VAV2: variants seen among roughly 807,000 people sequenced by gnomAD.
VAV2 encodes the protein vav guanine nucleotide exchange factor 2.
Under a neutral mutation model 132.5 loss-of-function variants are expected in VAV2, and 67 were observed. The ratio of observed to expected loss-of-function variants is 0.51; its 90% confidence interval spans 0.42 to 0.62. VAV2 has a LOEUF of 0.62. Among genes scored for constraint, VAV2 ranks in the 20% least tolerant of loss-of-function variants. The pLI is 0.00. For missense variants in VAV2, 938 were observed against 1,153.6 expected, an observed-to-expected ratio of 0.81 and a Z score of 2.71; for synonymous variants, 492 against 443.5, an observed-to-expected ratio of 1.11 and a Z score of -1.37.
At chr9:133,890,505 G>A (rs113515630) in intron 2 of VAV2, among the ~76,000 whole-genome samples, 2,192 of 152,232 alleles carry the variant, frequency 0.014, 12 homozygotes, top group Non-Finnish European at 0.022. Context: ...TCCCTAGCTG[G>A]AGCAAAGACG....
In VAV2 at chr9:133,794,356, C is replaced by A. The variant is rs1463566228; in HGVS notation, c.1101+1312G>T. Among the ~76,000 whole-genome samples, 1 of 152,026 alleles carries A rather than the reference C, an allele frequency of 6.6e-6. No homozygotes were observed. Among genetic ancestry groups the A allele is most frequent in the African/African-American group, 2.4e-5 (1 of 41,408 alleles). ...GTGCTCGCTGCCCAGTGCAGCCGAG[C>A]GGGAATCTGAAGGTCTCTGGGACCA... On this transcript the variant is annotated intron_variant, in intron 12 of 29. Transcript: ENST00000371850. The surrounding 1 kb of genome is among the most constrained non-coding windows in gnomAD (Gnocchi z 4.6).
At chr9:133,963,161 C>T (rs1195615444) in intron 1 of VAV2, among the ~76,000 whole-genome samples, 6 of 152,090 alleles carry the variant, frequency 3.9e-5, no homozygotes, top group African/African-American at 4.8e-5. Context: ...AACTCGGGGT[C>T]GAAGCTACAA....
At chr9:133,862,121 C>T (rs1053946035) in intron 2 of VAV2, among the ~76,000 whole-genome samples, 1 of 152,228 alleles carries the variant, frequency 6.6e-6, no homozygotes, top group Non-Finnish European at 1.5e-5. Flanking sequence ...AAGCAGTAGC[C>T]GCTCCTCCTC....
In VAV2 at chr9:133,798,918, T is replaced by A. The variant is rs12553798; in HGVS notation, c.837-1109A>T. On this transcript the variant is annotated intron_variant, in intron 9 of 29. Transcript: ENST00000371850. ...TCTCTGGCAGGGCTGTGTGTTGGTG[T>A]CTGGAGGCTCCCCTGGCCCGGGAAG... is the stretch of plus-strand genomic sequence containing the variant. 7.7e-3 allele frequency among the ~76,000 whole-genome samples: 1,179 copies of A among 152,282 alleles called. 25 individuals are homozygous for A. The highest frequency in any genetic ancestry group is 0.043 in the Admixed American group (664 of 15,310).
At position 133,970,081 on chromosome 9, in the gene VAV2, C is replaced by T. The variant is rs532413171; in HGVS notation, c.204+21994G>A. ...CCTGCCATCCTGGTCCTCCACCCTC[C>T]CTGCCCACTCAACAGCTCCCACAAT... On this transcript the variant is annotated intron_variant, in intron 1 of 29. Transcript: ENST00000371850. Among the ~76,000 whole-genome samples, 389 of 152,246 alleles carry T rather than the reference C, an allele frequency of 2.6e-3. 1 individual carries two copies. Among genetic ancestry groups the T allele is most frequent in the African/African-American group, 9.0e-3 (372 of 41,538 alleles).
In VAV2 at chr9:133,936,304, G is replaced by A. The variant is rs369807143; in HGVS notation, c.321+2799C>T. On this transcript the variant is annotated intron_variant, in intron 2 of 29. Coordinates refer to ENST00000371850, the MANE Select transcript of VAV2 (RefSeq NM_001134398.2). Reference sequence around the variant, plus strand: ...ATCACTCAGGCTAAAGTGCAGTGGCGTGATCTCTGCTCACTCCAACCTTCA... The same window carrying A: ...ATCACTCAGGCTAAAGTGCAGTGGCATGATCTCTGCTCACTCCAACCTTCA... Among the ~76,000 whole-genome samples the A allele has an allele frequency of 3.6e-4, 53 of 149,098 alleles. No individual in the cohort carries two copies. The East Asian group carries it at 8.7e-3, about 25-fold the overall frequency.
At chr9:133,838,880 T>C (rs1588249636) in intron 3 of VAV2, among the ~76,000 whole-genome samples, 1 of 109,138 alleles carries the variant, frequency 9.2e-6, no homozygotes, top group East Asian at 3.3e-4. Context: ...GATGGATAGA[T>C]GGGTGGGTGG....
chr9:133,977,450 G>A (rs968048094), intron 1 of VAV2, among the ~76,000 whole-genome samples: 26 of 152,182 alleles, frequency 1.7e-4, no homozygotes, highest in African/African-American at 4.8e-4. Flanking sequence ...AGAACCTTCC[G>A]CCACCCCAGG....
chr9:133,778,677 T>G, intron 22 of VAV2, 85 bp downstream of exon 22: 1 of 1,540,256 alleles, frequency 6.5e-7, no homozygotes, highest in Non-Finnish European at 8.7e-7. Context: ...TGCCTGGGGA[T>G]GTGCAGGACT....
At position 133,924,555 on chromosome 9, in the gene VAV2, C is replaced by T. The variant is rs79684862; in HGVS notation, c.321+14548G>A. ...ACAGCCCCCAGCCTCACCTCATCCA[C>T]GGCTCCAATCTGTACACTAAGTCAC... On this transcript the variant is annotated intron_variant, in intron 2 of 29. Transcript: ENST00000371850. Among the ~76,000 whole-genome samples, 599 of 152,312 alleles carry T rather than the reference C, an allele frequency of 3.9e-3. 3 individuals are homozygous for T. The highest frequency in any genetic ancestry group is 0.014 in the African/African-American group (571 of 41,570).
At chr9:133,981,587 C>T (rs1842695602) in intron 1 of VAV2, among the ~76,000 whole-genome samples, 1 of 152,220 alleles carries the variant, frequency 6.6e-6, no homozygotes, top group South Asian at 2.1e-4. Context: ...GTAGAAACTG[C>T]GCTGGGCGCC....
intron 16 of VAV2, 101 bp downstream of exon 16, chr9:133,787,145 C>T (rs565194600): frequency 3.7e-6 from 5 of 1,334,372 alleles, no homozygotes; most frequent in East Asian, 5.4e-5. Flanking sequence ...ACCCTGAGCC[C>T]AGCCCCTCAG....
At chr9:133,917,172 C>T (rs73662342) in intron 2 of VAV2, among the ~76,000 whole-genome samples, 12,740 of 148,890 alleles carry the variant, frequency 0.086, 1,738 homozygotes, top group African/African-American at 0.29. Flanking sequence ...CTCACTAAAT[C>T]ATCTCCCTTC....
chr9:133,783,669 G>T, intron 18 of VAV2, 78 bp from the exon 19 acceptor site: 2 of 1,369,718 alleles, frequency 1.5e-6, no homozygotes, highest in Non-Finnish European at 2.1e-6. Context: ...CAAGGCCCTT[G>T]TCCCCACCCA....
chr9:133,795,784 C>T (rs1834688569), intron 11 of VAV2, 48 bp from the exon 12 acceptor site: 3 of 1,597,906 alleles, frequency 1.9e-6, no homozygotes, highest in East Asian at 2.2e-5. Flanking sequence ...GGGGTTCTGG[C>T]CTCTGCCCTG....
intron 2 of VAV2, among the ~76,000 whole-genome samples, chr9:133,924,852 T>A (rs575668101): frequency 6.6e-6 from 1 of 152,364 alleles, no homozygotes; most frequent in Admixed American, 6.5e-5. Flanking sequence ...GGACAAGCTG[T>A]GGTCGATCCA....
rs1247070350 is a variant in VAV2 at position 133,769,084 on chromosome 9, C to T, written c.2434+333G>A. ...GCACCCAAGTCCCACAGCTCCTCCT[C>T]GTGGCCACCTGCTTTCTGCTACCAG... On this transcript the variant is annotated intron_variant, in intron 28 of 29. Coordinates refer to ENST00000371850, the MANE Select transcript of VAV2 (RefSeq NM_001134398.2). The surrounding 1 kb of genome is among the most constrained non-coding windows in gnomAD (Gnocchi z 8.1). Among the ~76,000 whole-genome samples the T allele has an allele frequency of 1.3e-5, 2 of 152,248 alleles. No homozygotes were observed. The highest frequency in any genetic ancestry group is 1.5e-5 in the Non-Finnish European group (1 of 68,050).
intron 3 of VAV2, among the ~76,000 whole-genome samples, chr9:133,846,964 T>C (rs1836958422): frequency 6.6e-6 from 1 of 152,298 alleles, no homozygotes; most frequent in South Asian, 2.1e-4. Flanking sequence ...GCTGGGCTCC[T>C]TTGCAGCAGA....
At chr9:133,777,216 A>AG (rs979135857) in intron 23 of VAV2, among the ~76,000 whole-genome samples, 173 bp downstream of exon 23, 28 of 152,174 alleles carry the variant, frequency 1.8e-4, no homozygotes, top group African/African-American at 6.7e-4. Flanking sequence ...GCTGCCCCAC[A>AG]GCCCCCCACC....
Sources: allele counts gnomAD v4.1 joint callset (sites outside exome capture counted in the v4.1 genomes callset), GRCh38; gene constraint gnomAD v4.1.1; non-coding constraint Gnocchi (gnomAD v3.1); transcripts MANE v1.5; gene names NCBI Gene and HGNC (gene_info 2026-07-23, HGNC 2026-07-21).